SLC25A13: variants seen among roughly 807,000 people sequenced by gnomAD.
The protein encoded by SLC25A13 is electrogenic aspartate/glutamate antiporter SLC25A13, mitochondrial.
In SLC25A13, 70 loss-of-function variants were observed where a neutral mutation model predicts 85.5. The ratio of observed to expected loss-of-function variants is 0.82; its 90% CI spans 0.68 to 1.00. The LOEUF (loss-of-function observed/expected upper bound fraction) is 1.00. Among genes scored for constraint, SLC25A13 ranks in the 50% least tolerant of loss-of-function variants. The pLI, the probability that SLC25A13 is intolerant of heterozygous loss-of-function variation, is 0.00. For synonymous variants in SLC25A13, 259 were observed against 288.7 expected (o/e 0.90, Z 1.04); for missense variants, 765 against 819.8 (o/e 0.93, Z 0.82).
chr7:96,186,369 C>A (rs779578300), intron 9 of SLC25A13, among the ~76,000 whole-genome samples: 9 of 152,130 alleles, frequency 5.9e-5, no homozygotes, highest in Non-Finnish European at 1.2e-4. Flanking sequence ...GCGGAGGCTG[C>A]AGTGAGCCAA....
At chr7:96,180,914 C>G (rs1794396099) in intron 11 of SLC25A13, among the ~76,000 whole-genome samples, 1 of 152,162 alleles carries the variant, frequency 6.6e-6, no homozygotes, top group South Asian at 2.1e-4. Context: ...TTAAGGATTT[C>G]AAATACCTGA....
intron 14 of SLC25A13, among the ~76,000 whole-genome samples, chr7:96,136,995 T>G (rs934252123): frequency 2.6e-5 from 4 of 152,182 alleles, no homozygotes; most frequent in Non-Finnish European, 4.4e-5. Context: ...TTATTTGGCA[T>G]GTATAATTAT....
chr7:96,280,633 T>C (rs1055327883), intron 2 of SLC25A13, among the ~76,000 whole-genome samples: 2 of 152,104 alleles, frequency 1.3e-5, no homozygotes, highest in Non-Finnish European at 2.9e-5. Flanking sequence ...GAGAATCGCT[T>C]GAGCACAAAA....
chr7:96,237,904 C>T (rs1796803457), intron 3 of SLC25A13, among the ~76,000 whole-genome samples: 2 of 152,126 alleles, frequency 1.3e-5, no homozygotes, highest in South Asian at 4.2e-4. Context: ...AGAATGTAAC[C>T]AACTGTGACT....
chr7:96,189,209 G>T, intron 9 of SLC25A13, 85 bp downstream of exon 9: 1 of 1,155,154 alleles, frequency 8.7e-7, no homozygotes, highest in Non-Finnish European at 1.3e-6. Context: ...AGATACCAAT[G>T]CCGCAAAGGC....
intron 14 of SLC25A13, among the ~76,000 whole-genome samples, chr7:96,143,461 T>C (rs1792651380): frequency 6.6e-6 from 1 of 152,228 alleles, no homozygotes; most frequent in Non-Finnish European, 1.5e-5. Context: ...TTTGTTTTCT[T>C]AGCTACATTA....
At chr7:96,200,722 T>A (rs1003833251) in intron 5 of SLC25A13, among the ~76,000 whole-genome samples, 7 of 152,158 alleles carry the variant, frequency 4.6e-5, no homozygotes, top group Admixed American at 4.6e-4. Context: ...TCAATTTCCT[T>A]GCTCTTCTAA....
intron 3 of SLC25A13, among the ~76,000 whole-genome samples, chr7:96,254,669 C>A (rs1256003932): frequency 6.6e-6 from 1 of 152,144 alleles, no homozygotes; most frequent in Admixed American, 6.6e-5. Flanking sequence ...CATACACACT[C>A]CCTCAAAGGA....
At chr7:96,183,841 G>C (rs1317811302) in intron 11 of SLC25A13, among the ~76,000 whole-genome samples, 2 of 152,146 alleles carry the variant, frequency 1.3e-5, no homozygotes, top group East Asian at 3.9e-4. Flanking sequence ...CTTTAATTCA[G>C]GATGAAGCAG....
intron 5 of SLC25A13, among the ~76,000 whole-genome samples, chr7:96,206,739 G>A (rs182708727): frequency 2.6e-5 from 4 of 152,250 alleles, no homozygotes; most frequent in Admixed American, 6.5e-5. Context: ...TTAAGTGAAT[G>A]CCTTACAAAT....
At chr7:96,176,334 A>G (rs1366997349) in intron 11 of SLC25A13, among the ~76,000 whole-genome samples, 1 of 152,212 alleles carries the variant, frequency 6.6e-6, no homozygotes, top group African/African-American at 2.4e-5. Flanking sequence ...CAGAGAATGG[A>G]TGTGTGTGTT....
chr7:96,250,145 C>G (rs1266961949), intron 3 of SLC25A13, among the ~76,000 whole-genome samples: 1 of 152,058 alleles, frequency 6.6e-6, no homozygotes, highest in Non-Finnish European at 1.5e-5. Context: ...TGAGATCACA[C>G]CACTGCACTC....
chr7:96,209,119 A>C lies in SLC25A13; in HGVS notation c.329-142T>G, dbSNP rs370323765. On this transcript the variant is annotated intron_variant, in intron 4 of 17. Transcript: ENST00000265631. Reference sequence around the variant, plus strand: ...AGACATACAGATTACAAACTATGGCAGAAATAAAAGAACCCTCAAGGAATC... The same window carrying C: ...AGACATACAGATTACAAACTATGGCCGAAATAAAAGAACCCTCAAGGAATC... The C allele has an allele frequency of 5.0e-6, 4 of 797,030 alleles. No homozygotes were observed. The African/African-American group carries it at 7.0e-5, about 14-fold the overall frequency. 49.4% of individuals were successfully genotyped at this position (797,030 alleles called of 1,614,324 possible).
intron 1 of SLC25A13, among the ~76,000 whole-genome samples, chr7:96,318,144 A>G (rs4551263): frequency 0.6 from 91,224 of 151,994 alleles, 28,127 homozygotes; most frequent in Non-Finnish European, 0.67. Flanking sequence ...TGTGCCCCCA[A>G]ATTTCCTTCT....
intron 3 of SLC25A13, among the ~76,000 whole-genome samples, chr7:96,272,830 G>A (rs146835929): frequency 9.5e-4 from 144 of 152,322 alleles, no homozygotes; most frequent in African/African-American, 3.4e-3. Flanking sequence ...ATATATACAG[G>A]AGAAATTATA....
chr7:96,242,064 C>T (rs138191244), intron 3 of SLC25A13, among the ~76,000 whole-genome samples: 2 of 152,298 alleles, frequency 1.3e-5, no homozygotes, highest in African/African-American at 4.8e-5. Flanking sequence ...CATCAAAATC[C>T]AATTACCACT....
intron 3 of SLC25A13, among the ~76,000 whole-genome samples, chr7:96,241,971 C>T (rs376270630): frequency 7.1e-4 from 108 of 152,300 alleles, no homozygotes; most frequent in African/African-American, 2.5e-3. Flanking sequence ...TCCAGGCCAA[C>T]TCTGTGGCTA....
chr7:96,249,890 A>AC (rs1312826136), intron 3 of SLC25A13, among the ~76,000 whole-genome samples: 2 of 151,700 alleles, frequency 1.3e-5, no homozygotes, highest in Admixed American at 6.6e-5. Flanking sequence ...AAAAAAAAAA[A>AC]AAAAAACTCT....
chr7:96,170,175 T>A (rs1446338502), intron 12 of SLC25A13, 50 bp from the exon 13 acceptor site: 2 of 1,506,026 alleles, frequency 1.3e-6, no homozygotes, highest in Non-Finnish European at 1.8e-6. Flanking sequence ...AAGAAAGTCA[T>A]TAAACACTTA....
Sources: allele counts gnomAD v4.1 joint callset (sites outside exome capture counted in the v4.1 genomes callset), GRCh38; gene constraint gnomAD v4.1.1; transcripts MANE v1.5; gene names NCBI Gene and HGNC (gene_info 2026-07-23, HGNC 2026-07-21).